The following STK26 variants were observed in gnomAD, a reference collection of about 807,000 sequenced individuals.
STK26 encodes the protein serine/threonine-protein kinase 26.
A neutral mutation model predicts 34.7 loss-of-function variants in STK26; 14 were observed. The observed-to-expected ratio is 0.40, with a 90% CI of 0.27 to 0.63. STK26 has a LOEUF of 0.63. Among genes scored for constraint, STK26 ranks in the 30% least tolerant of loss-of-function variants. The pLI, the probability that STK26 is intolerant of heterozygous loss-of-function variation, is 0.38. For missense variants in STK26, 226 were observed against 309.1 expected, an observed-to-expected ratio of 0.73 and a Z score of 2.02; for synonymous variants, 100 against 109.8, an observed-to-expected ratio of 0.91 and a Z score of 0.56.
intron 3 of STK26, chrX:132,055,597 A>G (rs1926831211): frequency 1.2e-6 from 1 of 846,661 alleles, no homozygotes; most frequent in Non-Finnish European, 1.7e-6. Context: ...TGAATAATAA[A>G]TAGTTGAAGA....
chrX:132,050,055 A>G (rs1424249481), intron 2 of STK26, among the ~76,000 whole-genome samples: 1 of 110,853 alleles, frequency 9.0e-6, no homozygotes, highest in African/African-American at 3.3e-5. Flanking sequence ...TTCAAATTCA[A>G]AGAACTAGAT....
chrX:132,068,627 C>A, intron 6 of STK26, 58 bp downstream of exon 6: 1 of 1,077,735 alleles, frequency 9.3e-7, no homozygotes, highest in Admixed American at 2.6e-5. Flanking sequence ...ATATGGCACA[C>A]TATCCTAGTT....
chrX:132,023,603 G>A lies in STK26; in HGVS notation c.-15G>A, dbSNP rs1164280857. The A allele has an allele frequency of 8.5e-7, 1 of 1,171,489 alleles. No homozygotes were observed. The highest frequency in any genetic ancestry group is 2.5e-5 in the Admixed American group (1 of 39,551). ...GCCACCGCCGCAGAAGCGGAGCGAG[G>A]CAGCATTCGCCTCCATGGCCCACTC... is the stretch of plus-strand genomic sequence containing the variant. On this transcript the variant is annotated 5_prime_UTR_variant, in exon 2 of 12. Transcript: ENST00000394334.
chrX:132,072,783 A>G (rs1294599171), intron 9 of STK26, 30 bp from the exon 10 acceptor site: 1 of 1,172,968 alleles, frequency 8.5e-7, no homozygotes, highest in South Asian at 1.8e-5. Flanking sequence ...TTTTAATTTC[A>G]TGTGTATAAT....
intron 3 of STK26, chrX:132,055,538 G>A (rs1926828370): frequency 1.8e-6 from 2 of 1,125,765 alleles, no homozygotes; most frequent in African/African-American, 3.6e-5. Context: ...AAAACCCAGT[G>A]GTCCTTGGGT....
At chrX:132,042,637 T>C (rs1159119912) in intron 2 of STK26, among the ~76,000 whole-genome samples, 1 of 111,796 alleles carries the variant, frequency 8.9e-6, no homozygotes, top group African/African-American at 3.2e-5. Context: ...AAGCATTTGT[T>C]TAGCCTTGCA....
rs28709451 is a variant in STK26, at chrX:132,044,828, T to G, written c.43-9803T>G. Among the ~76,000 whole-genome samples, 362 of 52,999 alleles carry G rather than the reference T, an allele frequency of 6.8e-3. 33 individuals are homozygous for G. Among genetic ancestry groups the G allele is most frequent in the South Asian group, 0.02 (24 of 1,222 alleles). The allele number at this position is 52,999 out of a possible 115,157, so 46.0% of individuals were successfully genotyped here. ...AGATCTATATATATATTTATATATA[T>G]AGAGAGAGATCTATATATATATTTA... On this transcript the variant is annotated intron_variant, in intron 2 of 11. Coordinates refer to ENST00000394334, the MANE Select transcript of STK26 (RefSeq NM_016542.4).
In STK26 at chrX:132,054,743, T is replaced by C; in HGVS notation, c.155T>C (p.Ile52Thr). ...IDNRTQQVVA[I>T]KIIDLEEAED... ...AACCGTACCCAGCAAGTCGTTGCTA[T>C]TAAAATCATAGACCTTGAGGAAGCC... is the stretch of plus-strand genomic sequence containing the variant. Residue 52 changes from isoleucine (I) to threonine (T), a missense_variant, in exon 3 of 12, where the codon ATT becomes ACT. Coordinates refer to ENST00000394334, the MANE Select transcript of STK26 (RefSeq NM_016542.4). The C allele has an allele frequency of 8.3e-7, 1 of 1,211,338 alleles. No homozygotes were observed. The highest frequency in any genetic ancestry group is 1.1e-6 in the Non-Finnish European group (1 of 895,208).
chrX:132,049,628 G>T (rs1926619105), intron 2 of STK26, among the ~76,000 whole-genome samples: 2 of 111,629 alleles, frequency 1.8e-5, no homozygotes, highest in African/African-American at 6.5e-5. Context: ...TGATTGTCAG[G>T]GCACTTTGTA....
intron 2 of STK26, among the ~76,000 whole-genome samples, chrX:132,025,963 C>T (rs904931099): frequency 5.4e-5 from 6 of 111,656 alleles, no homozygotes; most frequent in African/African-American, 2.0e-4. Context: ...TAGAAAACTT[C>T]AGTTAGCCAT....
chrX:132,028,675 A>C (rs1925706462), intron 2 of STK26, among the ~76,000 whole-genome samples: 1 of 111,435 alleles, frequency 9.0e-6, no homozygotes, highest in Non-Finnish European at 1.9e-5. Flanking sequence ...TAAGGGTTGT[A>C]AGAAAAGTAA....
chrX:132,045,843 C>A (rs1473740623), intron 2 of STK26, among the ~76,000 whole-genome samples: 1 of 111,949 alleles, frequency 8.9e-6, no homozygotes, highest in Non-Finnish European at 1.9e-5. Context: ...TTAGTTATTT[C>A]TTTTCACTTA....
rs111875905 is a variant in STK26 at position 132,075,122 on chromosome X, T to G, written c.*963T>G. 3 of 112,173 alleles carry G rather than the reference T, an allele frequency of 2.7e-5. No individual in the cohort carries two copies. The highest frequency in any genetic ancestry group is 9.7e-5 in the African/African-American group (3 of 30,968). The allele number at this position is 112,173 out of a possible 1,213,427, so 9.2% of individuals were successfully genotyped here. A position where few individuals can be genotyped will look rare whatever the true frequency, so the allele number is the denominator to read the frequency against. Reference sequence around the variant, plus strand: ...TTTTGTTCTTCATAATTATCACTAATAAGCATCAGTTTGTTGTTTTTAAAA... The same window carrying G: ...TTTTGTTCTTCATAATTATCACTAAGAAGCATCAGTTTGTTGTTTTTAAAA... On this transcript the variant is annotated 3_prime_UTR_variant, in exon 12 of 12. Transcript: ENST00000394334.
rs1054362290 is a variant in STK26, at chrX:132,074,214, A to G, written c.*55A>G. 1.8e-6 allele frequency: 2 copies of G among 1,121,213 alleles called. No homozygotes were observed. Among genetic ancestry groups the G allele is most frequent in the East Asian group, 3.0e-5 (1 of 32,854 alleles). 92.4% of individuals were successfully genotyped at this position (1,121,213 alleles called of 1,213,427 possible). Reference sequence around the variant, plus strand: ...GGACCCAGAGAGCCCCACCAAACCTACGTCAAGATTAACAATGCTTAACCC... The same window carrying G: ...GGACCCAGAGAGCCCCACCAAACCTGCGTCAAGATTAACAATGCTTAACCC... On this transcript the variant is annotated 3_prime_UTR_variant, in exon 12 of 12. Coordinates refer to ENST00000394334, the MANE Select transcript of STK26 (RefSeq NM_016542.4).
chrX:132,058,980 C>T lies in STK26; in HGVS notation c.273+4119C>T, dbSNP rs187612243. Among the ~76,000 whole-genome samples the T allele has an allele frequency of 1.1e-4, 12 of 111,267 alleles. No individual in the cohort carries two copies. The East Asian group carries it at 1.1e-3, about 11-fold the overall frequency. On this transcript the variant is annotated intron_variant, in intron 3 of 11. Coordinates refer to ENST00000394334, the MANE Select transcript of STK26 (RefSeq NM_016542.4). ...AAAGAAATATTCTATAATCTTACAA[C>T]GTTTTCATACCATGTATTTAAATCA...
chrX:132,071,360 C>G, intron 8 of STK26, 143 bp downstream of exon 8: 1 of 675,101 alleles, frequency 1.5e-6, no homozygotes, highest in Non-Finnish European at 2.2e-6. Flanking sequence ...AAATCTTTTT[C>G]AATCACAGTC....
At position 132,074,302 on chromosome X, in the gene STK26, A is replaced by C; in HGVS notation, c.*143A>C. ...AAGATTTGGAAGAAGCTATTAAACTATTTTGTGATGGCGTTTATCATTTTA... is the reference window on the plus strand; with the variant it reads ...AAGATTTGGAAGAAGCTATTAAACTCTTTTGTGATGGCGTTTATCATTTTA... On this transcript the variant is annotated 3_prime_UTR_variant, in exon 12 of 12. Coordinates refer to ENST00000394334, the MANE Select transcript of STK26 (RefSeq NM_016542.4). 1 of 508,714 alleles carries C rather than the reference A, an allele frequency of 2.0e-6. No individual in the cohort carries two copies. The highest frequency in any genetic ancestry group is 3.1e-6 in the Non-Finnish European group (1 of 320,919). 41.9% of individuals were successfully genotyped at this position (508,714 alleles called of 1,213,427 possible).
chrX:132,034,007 G>A (rs1392943595), intron 2 of STK26, among the ~76,000 whole-genome samples: 2 of 108,518 alleles, frequency 1.8e-5, no homozygotes. Context: ...CTTGCTTCTC[G>A]GCAGGATGGC....
intron 4 of STK26, among the ~76,000 whole-genome samples, chrX:132,065,502 C>A (rs1217937147): frequency 8.9e-6 from 1 of 111,952 alleles, no homozygotes; most frequent in Non-Finnish European, 1.9e-5. Flanking sequence ...TAACCCCAAC[C>A]AATGACCCAA....
Sources: gnomAD v4.1 joint callset for allele counts (sites outside exome capture counted in the v4.1 genomes callset) on GRCh38, gnomAD v4.1.1 for gene constraint, MANE v1.5 for transcripts, NCBI Gene and HGNC (gene_info 2026-07-23, HGNC 2026-07-21) for gene names.